The following GLI3 variants were observed in gnomAD, a reference collection of about 807,000 sequenced individuals.
The protein encoded by GLI3 is transcription activator GLI3.
Under a neutral mutation model 100.8 loss-of-function variants are expected in GLI3, and 20 were observed. The ratio of observed to expected loss-of-function variants is 0.20; its 90% confidence interval spans 0.14 to 0.29. The LOEUF (loss-of-function observed/expected upper bound fraction) is 0.29. Among genes scored for constraint, GLI3 ranks in the 10% least tolerant of loss-of-function variants. The probability of loss-of-function intolerance (pLI) is 1.00; values close to 1 mark genes in which losing one functional copy is unlikely to be tolerated. For missense variants in GLI3, 2,040 were observed against 2,128.5 expected, an observed-to-expected ratio of 0.96 and a Z score of 0.82; for synonymous variants, 938 against 860.5, an observed-to-expected ratio of 1.09 and a Z score of -1.58.
chr7:42,022,979 C>A (rs1304116521), intron 10 of GLI3, among the ~76,000 whole-genome samples: 2 of 152,148 alleles, frequency 1.3e-5, no homozygotes, highest in Non-Finnish European at 2.9e-5. Context: ...TGGCCTCAAA[C>A]CAAGAAATTA....
intron 5 of GLI3, among the ~76,000 whole-genome samples, chr7:42,046,452 G>A (rs553591852): frequency 3.9e-5 from 6 of 152,256 alleles, no homozygotes; most frequent in Non-Finnish European, 8.8e-5. Context: ...ACATGGTAAA[G>A]ATAGAGATTT....
At chr7:41,985,360 T>C (rs979284158) in intron 10 of GLI3, among the ~76,000 whole-genome samples, 1 of 152,196 alleles carries the variant, frequency 6.6e-6, no homozygotes, top group Non-Finnish European at 1.5e-5. Context: ...ATTTGAAACT[T>C]CTGTGGGATT....
At chr7:42,003,967 C>A (rs906337158) in intron 10 of GLI3, among the ~76,000 whole-genome samples, 1 of 152,104 alleles carries the variant, frequency 6.6e-6, no homozygotes, top group African/African-American at 2.4e-5. Context: ...GAGTAACTCA[C>A]CTGGCACACT....
chr7:42,118,877 A>C (rs924982333), intron 3 of GLI3, among the ~76,000 whole-genome samples: 1 of 152,206 alleles, frequency 6.6e-6, no homozygotes, highest in African/African-American at 2.4e-5. Context: ...TTTGAAAGAG[A>C]AACGAACTCT....
intron 6 of GLI3, among the ~76,000 whole-genome samples, chr7:42,041,643 A>G (rs983738251): frequency 6.6e-6 from 1 of 152,128 alleles, no homozygotes; most frequent in Non-Finnish European, 1.5e-5. Flanking sequence ...ATCTTTCTTT[A>G]TTTAAAAAAA....
intron 3 of GLI3, among the ~76,000 whole-genome samples, chr7:42,102,742 T>A (rs566480294): frequency 1.1e-4 from 17 of 152,330 alleles, no homozygotes; most frequent in Admixed American, 2.0e-4. Flanking sequence ...CATGGTGAGC[T>A]GAACTGCAGG....
rs1785264150 is a variant in GLI3 at position 42,093,184 on chromosome 7, A to G, written c.368-16327T>C. Among the ~76,000 whole-genome samples the G allele has an allele frequency of 2.0e-5, 3 of 151,924 alleles. No homozygotes were observed. In the South Asian group the frequency reaches 6.2e-4, roughly 32 times the overall value. The stretch of plus-strand genomic sequence containing the variant: ...CACCTGAGGTCAGGAGTTCGAGACC[A>G]GCCTGTCCAACATGGAGAAACCCCG... On this transcript the variant is annotated intron_variant, in intron 3 of 14. Transcript: ENST00000395925.
chr7:42,154,100 A>G (rs1268722846), intron 2 of GLI3, among the ~76,000 whole-genome samples: 3 of 152,158 alleles, frequency 2.0e-5, no homozygotes, highest in Non-Finnish European at 2.9e-5. Flanking sequence ...AAGAAAAAAA[A>G]AAAAAGAAAA....
rs535560867 is a variant in GLI3 at position 42,147,021 on chromosome 7, C to T, written c.367+1205G>A. On this transcript the variant is annotated intron_variant, in intron 3 of 14. Transcript: ENST00000395925. The stretch of plus-strand genomic sequence containing the variant: ...GCTTAGAAGAATCCAGAAAACTACC[C>T]TCCGTGCTTCTGACCACTTTTTAAA... Among the ~76,000 whole-genome samples, 9 of 152,234 alleles carry T rather than the reference C, an allele frequency of 5.9e-5. No homozygotes were observed. The South Asian group carries it at 1.0e-3, about 18-fold the overall frequency.
intron 2 of GLI3, among the ~76,000 whole-genome samples, chr7:42,152,650 T>G (rs962445781): frequency 2.0e-4 from 30 of 152,170 alleles, no homozygotes; most frequent in African/African-American, 7.2e-4. Context: ...TGTCACCCTA[T>G]CACAATCAGC....
chr7:42,110,471 G>A (rs1458760418), intron 3 of GLI3, among the ~76,000 whole-genome samples: 1 of 152,146 alleles, frequency 6.6e-6, no homozygotes, highest in African/African-American at 2.4e-5. Flanking sequence ...GTGGACATTC[G>A]TTATTTCCAC....
chr7:42,073,963 T>A (rs186854298), intron 4 of GLI3, among the ~76,000 whole-genome samples: 129 of 152,284 alleles, frequency 8.5e-4, no homozygotes, highest in Non-Finnish European at 1.6e-3. Flanking sequence ...TTTTAAGATT[T>A]CTATAACCAA....
At chr7:42,222,934 C>T (rs1031130565) in intron 2 of GLI3, 196 bp downstream of exon 2, 9 of 627,018 alleles carry the variant, frequency 1.4e-5, no homozygotes, top group African/African-American at 7.3e-5. Flanking sequence ...TGGAAGTCAA[C>T]GTGTAGGTTG....
intron 2 of GLI3, among the ~76,000 whole-genome samples, chr7:42,168,563 G>A (rs182587324): frequency 3.9e-5 from 6 of 152,180 alleles, no homozygotes; most frequent in East Asian, 1.9e-4. Context: ...GATGAATCTC[G>A]TAAACATAAT....
Position 42,048,537 on chromosome 7 carries a change from T to C in GLI3, c.633A>G (p.Pro211=), listed in dbSNP as rs769152784. ...MDYIRSLHSS[P]SLSMISATRG... ...GGGTTGCTGAGATCATGGAGAGCGATGGGCTGCTGTGCAAGGAGCGGATAT... is the reference window on the plus strand; with the variant it reads ...GGGTTGCTGAGATCATGGAGAGCGACGGGCTGCTGTGCAAGGAGCGGATAT... Residue 211 remains proline (P), a synonymous_variant, in exon 5 of 15, where the codon CCA becomes CCG. Transcript: ENST00000395925. 8 of 1,613,238 alleles carry C rather than the reference T, an allele frequency of 5.0e-6. No homozygotes were observed. The African/African-American group carries it at 8.0e-5, about 16-fold the overall frequency.
chr7:42,056,913 C>T (rs1413631507), intron 4 of GLI3, among the ~76,000 whole-genome samples: 3 of 148,872 alleles, frequency 2.0e-5, no homozygotes, highest in Non-Finnish European at 4.4e-5. Context: ...ACCCAGGAGG[C>T]GGAGGTTGTG....
chr7:42,134,092 A>AG (rs543089058), intron 3 of GLI3, among the ~76,000 whole-genome samples: 61 of 151,804 alleles, frequency 4.0e-4, no homozygotes, highest in Middle Eastern at 3.4e-3. Flanking sequence ...AAAAAAAAAA[A>AG]AAAGAAAAAA....
intron 9 of GLI3, 115 bp from the exon 10 acceptor site, chr7:42,023,723 G>T: frequency 1.2e-6 from 1 of 865,038 alleles, no homozygotes; most frequent in Non-Finnish European, 1.9e-6. Flanking sequence ...CTAGGGTTTT[G>T]TGAAGTGAAG....
upstream of GLI3, among the ~76,000 whole-genome samples, chr7:42,238,196 C>T (rs926131416): frequency 1.3e-5 from 2 of 151,954 alleles, no homozygotes; most frequent in African/African-American, 2.4e-5. Flanking sequence ...CCTCTCTCTT[C>T]TCTCTCCACA....
Sources: allele counts gnomAD v4.1 joint callset (sites outside exome capture counted in the v4.1 genomes callset), GRCh38; gene constraint gnomAD v4.1.1; transcripts MANE v1.5; gene names NCBI Gene and HGNC (gene_info 2026-07-23, HGNC 2026-07-21).